RNF17: variants seen among roughly 807,000 people sequenced by gnomAD.
RNF17 encodes spermatogenesis associated 23.
Under a neutral mutation model 200.5 loss-of-function variants are expected in RNF17, and 31 were observed. The ratio of observed to expected loss-of-function variants is 0.15; its 90% CI spans 0.12 to 0.21. The LOEUF (loss-of-function observed/expected upper bound fraction) is 0.21. Among genes scored for constraint, RNF17 ranks in the 10% least tolerant of loss-of-function variants. The pLI is 1.00. For synonymous variants in RNF17, 606 were observed against 637.8 expected, an observed-to-expected ratio of 0.95 and a Z score of 0.75; for missense variants, 1,628 against 1,905.1, an observed-to-expected ratio of 0.85 and a Z score of 2.71.
chr13:24,868,105 T>TA (rs527553965), intron 30 of RNF17, among the ~76,000 whole-genome samples: 144 of 152,326 alleles, frequency 9.5e-4, no homozygotes, highest in African/African-American at 3.3e-3. Context: ...AAAAGAATAC[T>TA]AAAGATCTTT....
chr13:24,791,972 C>T (rs1436693486), intron 9 of RNF17, among the ~76,000 whole-genome samples: 1 of 152,184 alleles, frequency 6.6e-6, no homozygotes, highest in African/African-American at 2.4e-5. Context: ...TCCTCTCCAT[C>T]AGAGGGAAGA....
chr13:24,826,132 C>G (rs1374834143), intron 16 of RNF17: 1 of 968,070 alleles, frequency 1.0e-6, no homozygotes, highest in Non-Finnish European at 1.2e-6. Flanking sequence ...TGTGTCCTCT[C>G]TGCTTCCCTT....
At chr13:24,773,677 G>T (rs1046875322) in intron 2 of RNF17, among the ~76,000 whole-genome samples, 1 of 152,152 alleles carries the variant, frequency 6.6e-6, no homozygotes, top group Non-Finnish European at 1.5e-5. Context: ...ACCTGTACAC[G>T]TACCCCTTGA....
the RNF17 span, among the ~76,000 whole-genome samples, chr13:24,748,353 A>C: frequency 6.6e-6 from 1 of 152,248 alleles, no homozygotes; most frequent in Admixed American, 6.5e-5. Flanking sequence ...CTCATAGCCC[A>C]GATAGCCTGT....
intron 18 of RNF17, among the ~76,000 whole-genome samples, chr13:24,834,567 A>C (rs4633550): frequency 0.23 from 35,073 of 152,142 alleles, 4,518 homozygotes; most frequent in Non-Finnish European, 0.29. Flanking sequence ...ACACACTTCC[A>C]CTGGAGAAGC....
At chr13:24,757,832 CA>C in the RNF17 span, among the ~76,000 whole-genome samples, 1 of 152,162 alleles carries the variant, frequency 6.6e-6, no homozygotes, top group African/African-American at 2.4e-5. Flanking sequence ...TCTGATGTTT[CA>C]CTTTTTATAT....
Position 24,863,832 on chromosome 13 carries a change from G to A in RNF17, c.3975+1039G>A, listed in dbSNP as rs368575675. On this transcript the variant is annotated intron_variant, in intron 28 of 35. Coordinates refer to ENST00000255324, the MANE Select transcript of RNF17 (RefSeq NM_031277.3). ...GCCAGGTGTCTCAGAGACCACGAAT[G>A]TGCATGCCACACAACCCAGCCGACA... 3.3e-5 allele frequency among the ~76,000 whole-genome samples: 5 copies of A among 152,326 alleles called. No individual in the cohort carries two copies. In the South Asian group the frequency reaches 6.2e-4, roughly 19 times the overall value.
At chr13:24,868,058 A>AT (rs1566250329) in intron 30 of RNF17, among the ~76,000 whole-genome samples, 2 of 152,252 alleles carry the variant, frequency 1.3e-5, no homozygotes, top group East Asian at 1.9e-4. Flanking sequence ...ACATTCATGC[A>AT]TTTTTTTGCA....
upstream of RNF17, among the ~76,000 whole-genome samples, chr13:24,761,668 A>G (rs938821096): frequency 2.0e-5 from 3 of 152,248 alleles, no homozygotes; most frequent in African/African-American, 4.8e-5. Flanking sequence ...GTTGTAATTC[A>G]TAGGAAGCCA....
At chr13:24,788,688 G>A (rs1316020018) in intron 7 of RNF17, among the ~76,000 whole-genome samples, 1 of 152,138 alleles carries the variant, frequency 6.6e-6, no homozygotes, top group Non-Finnish European at 1.5e-5. Context: ...ATGTGCCTGA[G>A]GGGTAGAATT....
intron 2 of RNF17, among the ~76,000 whole-genome samples, chr13:24,771,115 C>T (rs1298365161): frequency 6.6e-6 from 1 of 151,960 alleles, no homozygotes; most frequent in Non-Finnish European, 1.5e-5. Flanking sequence ...TGGATCTTTT[C>T]CTTTTGAATT....
chr13:24,870,904 C>T (rs1714440675), intron 32 of RNF17, among the ~76,000 whole-genome samples, 165 bp downstream of exon 32: 1 of 152,208 alleles, frequency 6.6e-6, no homozygotes, highest in Non-Finnish European at 1.5e-5. Context: ...TGACTTCTTT[C>T]TCATTTTCTA....
At chr13:24,866,736 G>A (rs1296720872) in intron 30 of RNF17, among the ~76,000 whole-genome samples, 1 of 102,190 alleles carries the variant, frequency 9.8e-6, no homozygotes, top group Non-Finnish European at 2.0e-5. Flanking sequence ...GTCTGATCAG[G>A]TACAAGTTTT....
upstream of RNF17, among the ~76,000 whole-genome samples, chr13:24,761,533 G>A (rs1251072500): frequency 6.6e-6 from 1 of 152,186 alleles, no homozygotes; most frequent in Non-Finnish European, 1.5e-5. Context: ...TATAAAAATT[G>A]TGTATTCAAG....
At chr13:24,844,029 T>C in intron 20 of RNF17, 58 bp downstream of exon 20, 1 of 558,276 alleles carries the variant, frequency 1.8e-6, no homozygotes, top group Non-Finnish European at 2.8e-6. Flanking sequence ...TATCCTTTAT[T>C]CTGTTTCAAA....
intron 32 of RNF17, 48 bp downstream of exon 32, chr13:24,870,787 A>G (rs987449722): frequency 1.3e-6 from 2 of 1,543,362 alleles, no homozygotes; most frequent in Admixed American, 3.5e-5. Flanking sequence ...TAAAACTTGG[A>G]TTTTGTTTCA....
At chr13:24,836,924 C>T (rs749209812) in intron 18 of RNF17, among the ~76,000 whole-genome samples, 22 of 152,146 alleles carry the variant, frequency 1.4e-4, no homozygotes, top group Admixed American at 2.0e-4. Flanking sequence ...TTAAAAGATA[C>T]AGAACCTCAG....
chr13:24,868,317 A>C (rs1441310321), intron 30 of RNF17, among the ~76,000 whole-genome samples: 1 of 144,172 alleles, frequency 6.9e-6, no homozygotes, highest in East Asian at 1.9e-4. Flanking sequence ...AAAAATACAA[A>C]AAATTAGCCG....
intron 18 of RNF17, among the ~76,000 whole-genome samples, chr13:24,837,433 G>T (rs149381084): frequency 6.6e-6 from 1 of 151,906 alleles, no homozygotes; most frequent in African/African-American, 2.4e-5. Flanking sequence ...ATTCAACAGC[G>T]TATGGAAATT....
Sources: allele counts gnomAD v4.1 joint callset (sites outside exome capture counted in the v4.1 genomes callset), GRCh38; gene constraint gnomAD v4.1.1; transcripts MANE v1.5; gene names NCBI Gene and HGNC (gene_info 2026-07-23, HGNC 2026-07-21).